Variants in SMYD3 observed in about 807,000 individuals in gnomAD.
SMYD3 encodes the protein SET and MYND domain containing 3.
SMYD3 carries 36 observed loss-of-function variants against 57.7 expected under a neutral mutation model. That is an observed-to-expected ratio of 0.62 (90% CI 0.48 to 0.82). The LOEUF (loss-of-function observed/expected upper bound fraction) is 0.82, where lower values mean the gene tolerates loss of function less well. SMYD3 is among the 40% of genes least tolerant of loss of function. SMYD3 has a pLI of 0.00. For synonymous variants in SMYD3, 211 were observed against 195.0 expected, an observed-to-expected ratio of 1.08 and a Z score of -0.68; for missense variants, 515 against 538.8, an observed-to-expected ratio of 0.96 and a Z score of 0.44.
intron 10 of SMYD3, among the ~76,000 whole-genome samples, chr1:245,826,141 C>T (rs1224134325): frequency 2.0e-5 from 3 of 151,512 alleles, no homozygotes; most frequent in Non-Finnish European, 2.9e-5. Flanking sequence ...TGTTGTATAA[C>T]AGTCATCCAG....
chr1:246,220,912 T>C (rs1572232940), intron 5 of SMYD3, among the ~76,000 whole-genome samples: 1 of 152,096 alleles, frequency 6.6e-6, no homozygotes, highest in East Asian at 1.9e-4. Flanking sequence ...CTCTCTAGAC[T>C]GAGAGCTGCA....
intron 5 of SMYD3, chr1:246,326,481 A>G: frequency 3.3e-6 from 2 of 597,398 alleles, no homozygotes; most frequent in Non-Finnish European, 5.9e-6. Context: ...AAAAAAAAAA[A>G]TACTTCAGGA....
At chr1:246,100,905 CAAAAT>C (rs972351947) in intron 5 of SMYD3, among the ~76,000 whole-genome samples, 13 of 152,120 alleles carry the variant, frequency 8.5e-5, no homozygotes, top group South Asian at 4.2e-4. Context: ...ACTTAAAAAA[CAAAAT>C]AAAATAAAGC....
At chr1:246,220,986 A>T (rs1481561303) in intron 5 of SMYD3, among the ~76,000 whole-genome samples, 1 of 151,678 alleles carries the variant, frequency 6.6e-6, no homozygotes, top group Non-Finnish European at 1.5e-5. Flanking sequence ...TGCTGAGAGA[A>T]CAGACAGATG....
intron 10 of SMYD3, among the ~76,000 whole-genome samples, chr1:245,806,757 A>C (rs2048174157): frequency 6.7e-6 from 1 of 150,044 alleles, no homozygotes; most frequent in Non-Finnish European, 1.5e-5. Context: ...AAAAATACAA[A>C]AAATTAGCCG....
chr1:246,056,766 T>C (rs1157981330), intron 5 of SMYD3, among the ~76,000 whole-genome samples: 1 of 144,948 alleles, frequency 6.9e-6, no homozygotes, highest in Non-Finnish European at 1.5e-5. Flanking sequence ...ACATGTAAAC[T>C]AAAAAGAAAA....
intron 5 of SMYD3, among the ~76,000 whole-genome samples, chr1:245,932,304 A>C (rs1448169455): frequency 6.6e-6 from 1 of 152,128 alleles, no homozygotes; most frequent in Non-Finnish European, 1.5e-5. Flanking sequence ...ATGGATTCTG[A>C]TGGAATGTTT....
intron 2 of SMYD3, among the ~76,000 whole-genome samples, chr1:246,352,166 T>C (rs4654241): frequency 1.6e-5 from 2 of 127,616 alleles, no homozygotes; most frequent in East Asian, 2.4e-4. Flanking sequence ...AAAAAAAACA[T>C]AAAGAAAGAA....
Position 245,987,572 on chromosome 1 carries a change from C to A in SMYD3, c.532-57635G>T, listed in dbSNP as rs1014197438. 2.0e-5 allele frequency among the ~76,000 whole-genome samples: 3 copies of A among 152,228 alleles called. No individual in the cohort carries two copies. In the East Asian group the frequency reaches 5.8e-4, roughly 29 times the overall value. ...TCTTCCAGCTTCACGCTAAGAACTT[C>A]ACGTTTTCTTAACTTATTCCTCACA... On this transcript the variant is annotated intron_variant, in intron 5 of 11. Transcript: ENST00000490107.
intron 1 of SMYD3, among the ~76,000 whole-genome samples, chr1:246,361,646 C>G (rs1353999564): frequency 3.9e-5 from 6 of 152,120 alleles, no homozygotes; most frequent in Admixed American, 3.9e-4. Context: ...GCATTCGCAG[C>G]CACCTAGATG....
intron 5 of SMYD3, among the ~76,000 whole-genome samples, chr1:246,226,795 TA>T (rs2063336862): frequency 6.6e-6 from 1 of 152,220 alleles, no homozygotes; most frequent in Admixed American, 6.5e-5. Context: ...GATATGCAAG[TA>T]CTCCAAGAAG....
intron 5 of SMYD3, among the ~76,000 whole-genome samples, chr1:246,137,729 A>G (rs1318048863): frequency 6.6e-6 from 1 of 152,204 alleles, no homozygotes; most frequent in Non-Finnish European, 1.5e-5. Context: ...ACAAGTTCTG[A>G]GAACGCACAG....
At chr1:245,976,855 C>G (rs866849329) in intron 5 of SMYD3, among the ~76,000 whole-genome samples, 3 of 34,994 alleles carry the variant, frequency 8.6e-5, no homozygotes, top group Non-Finnish European at 1.9e-4. Context: ...GCCATCGTCT[C>G]TAGCCTAGGG....
chr1:246,063,814 AT>A (rs1190286474), intron 5 of SMYD3, among the ~76,000 whole-genome samples: 2 of 151,930 alleles, frequency 1.3e-5, no homozygotes, highest in Non-Finnish European at 2.9e-5. Context: ...TAATTTTTGC[AT>A]TTTTAGTAGA....
intron 1 of SMYD3, among the ~76,000 whole-genome samples, chr1:246,396,361 C>G (rs1297893173): frequency 6.6e-6 from 1 of 152,106 alleles, no homozygotes; most frequent in East Asian, 1.9e-4. Flanking sequence ...TTGTTCCCAA[C>G]GGCTCACTTA....
At chr1:246,144,609 C>T (rs575727864) in intron 5 of SMYD3, among the ~76,000 whole-genome samples, 1 of 152,262 alleles carries the variant, frequency 6.6e-6, no homozygotes, top group Non-Finnish European at 1.5e-5. Flanking sequence ...ATTTTTCCTC[C>T]AGTCAGAGTC....
chr1:246,417,919 T>G (rs1435450013), intron 1 of SMYD3, among the ~76,000 whole-genome samples: 1 of 152,210 alleles, frequency 6.6e-6, no homozygotes, highest in Non-Finnish European at 1.5e-5. Context: ...TCCTTTTTAG[T>G]TAGCTTGACC....
At position 246,194,522 on chromosome 1, in the gene SMYD3, C is replaced by T. The variant is rs550818645; in HGVS notation, c.531+132679G>A. Among the ~76,000 whole-genome samples the T allele has an allele frequency of 3.9e-5, 6 of 152,260 alleles. No individual in the cohort carries two copies. The South Asian group carries it at 1.2e-3, about 32-fold the overall frequency. On this transcript the variant is annotated intron_variant, in intron 5 of 11. Transcript: ENST00000490107. ...GACCTCGTGTTCCGCCTGCTTAGGC[C>T]TCCGAAAGTGCTGGGATTACAGGCG...
intron 5 of SMYD3, among the ~76,000 whole-genome samples, chr1:246,142,376 C>T (rs970505908): frequency 6.6e-6 from 1 of 151,454 alleles, no homozygotes; most frequent in Non-Finnish European, 1.5e-5. Flanking sequence ...CTTATTAAGT[C>T]GGGAACTTTC....
Sources: allele counts gnomAD v4.1 joint callset (sites outside exome capture counted in the v4.1 genomes callset), GRCh38; gene constraint gnomAD v4.1.1; transcripts MANE v1.5; gene names NCBI Gene and HGNC (gene_info 2026-07-23, HGNC 2026-07-21).